TMEM132D: variants seen among roughly 807,000 people sequenced by gnomAD.
The protein encoded by TMEM132D is transmembrane protein 132D.
Under a neutral mutation model 62.3 loss-of-function variants are expected in TMEM132D, and 21 were observed. The ratio of observed to expected loss-of-function variants is 0.34; its 90% confidence interval spans 0.24 to 0.49. The LOEUF is 0.49. TMEM132D is among the 20% of genes least tolerant of loss of function. TMEM132D has a pLI of 0.99. For missense variants in TMEM132D, 1,346 were observed against 1,402.8 expected, an observed-to-expected ratio of 0.96 and a Z score of 0.65; for synonymous variants, 621 against 575.6, an observed-to-expected ratio of 1.08 and a Z score of -1.13.
At chr12:129,185,440 G>C (rs5020500) in intron 5 of TMEM132D, among the ~76,000 whole-genome samples, 77,166 of 151,986 alleles carry the variant, frequency 0.51, 19,752 homozygotes, top group East Asian at 0.63. Context: ...ATGTGTCCAC[G>C]CATAAAGTGA....
intron 2 of TMEM132D, among the ~76,000 whole-genome samples, chr12:129,558,831 T>C (rs559961945): frequency 1.8e-4 from 28 of 152,294 alleles, no homozygotes; most frequent in African/African-American, 6.7e-4. Flanking sequence ...TACATTTCAA[T>C]GTTATAAATG....
chr12:129,710,753 G>A (rs930417562), intron 1 of TMEM132D, among the ~76,000 whole-genome samples: 18 of 152,166 alleles, frequency 1.2e-4, no homozygotes, highest in African/African-American at 4.1e-4. Flanking sequence ...GCGAACACTT[G>A]AAAGCCCGCA....
At chr12:129,802,100 T>A (rs944055529) in intron 1 of TMEM132D, among the ~76,000 whole-genome samples, 1 of 150,748 alleles carries the variant, frequency 6.6e-6, no homozygotes, top group Non-Finnish European at 1.5e-5. Flanking sequence ...TGGAACCAAG[T>A]TGGAAAACAC....
intron 5 of TMEM132D, among the ~76,000 whole-genome samples, chr12:129,164,485 C>T (rs929801928): frequency 1.3e-5 from 2 of 152,186 alleles, no homozygotes; most frequent in African/African-American, 2.4e-5. Context: ...TAAACATATA[C>T]CCAGCTGTAT....
At chr12:129,522,119 T>C (rs11060390) in intron 3 of TMEM132D, among the ~76,000 whole-genome samples, 6 of 152,118 alleles carry the variant, frequency 3.9e-5, no homozygotes, top group African/African-American at 1.2e-4. Context: ...TGATGTCAGT[T>C]AGTCACCAGG....
intron 4 of TMEM132D, among the ~76,000 whole-genome samples, chr12:129,247,582 A>G (rs1880155273): frequency 6.6e-6 from 1 of 152,242 alleles, no homozygotes; most frequent in African/African-American, 2.4e-5. Flanking sequence ...ACAGGAGACA[A>G]GACGTTGCTA....
intron 5 of TMEM132D, among the ~76,000 whole-genome samples, chr12:129,129,135 C>G (rs1876298544): frequency 6.6e-6 from 1 of 151,948 alleles, no homozygotes; most frequent in African/African-American, 2.4e-5. Context: ...ACCTTTGCCT[C>G]CCTTCCTCCT....
At chr12:129,847,437 C>G (rs769891173) in intron 1 of TMEM132D, among the ~76,000 whole-genome samples, 1 of 152,162 alleles carries the variant, frequency 6.6e-6, no homozygotes, top group Non-Finnish European at 1.5e-5. Context: ...AGGTTTTTAC[C>G]CTCAGTCTTG....
At chr12:129,429,494 G>T (rs1181146459) in intron 3 of TMEM132D, among the ~76,000 whole-genome samples, 1 of 151,986 alleles carries the variant, frequency 6.6e-6, no homozygotes, top group Non-Finnish European at 1.5e-5. Context: ...CTTCCACAAG[G>T]AAACAGGAAA....
At chr12:129,488,757 A>G (rs1342740745) in intron 3 of TMEM132D, among the ~76,000 whole-genome samples, 1 of 152,074 alleles carries the variant, frequency 6.6e-6, no homozygotes, top group Admixed American at 6.5e-5. Context: ...ATGCGGCCAG[A>G]CAGGTGGGCA....
chr12:129,359,111 C>T (rs537496310), intron 3 of TMEM132D, among the ~76,000 whole-genome samples: 5 of 152,130 alleles, frequency 3.3e-5, no homozygotes, highest in South Asian at 4.2e-4. Context: ...AAAGAAGTTC[C>T]GAGTCATAGT....
chr12:129,821,191 TTC>T (rs1208239614), intron 1 of TMEM132D, among the ~76,000 whole-genome samples: 1 of 152,180 alleles, frequency 6.6e-6, no homozygotes, highest in East Asian at 1.9e-4. Context: ...TTAAGACAGA[TTC>T]TCTCACCGCA....
At chr12:129,789,814 T>C (rs12314724) in intron 1 of TMEM132D, among the ~76,000 whole-genome samples, 15,486 of 152,214 alleles carry the variant, frequency 0.1, 877 homozygotes, top group East Asian at 0.23. Flanking sequence ...AGCCACACAA[T>C]CTTTTATCCA....
At chr12:129,152,888 C>A (rs1168135451) in intron 5 of TMEM132D, among the ~76,000 whole-genome samples, 2 of 152,114 alleles carry the variant, frequency 1.3e-5, no homozygotes, top group East Asian at 3.9e-4. Context: ...AGGGGAGATG[C>A]CAGGGTATCT....
chr12:129,813,342 A>G lies in TMEM132D; in HGVS notation c.79+89919T>C, dbSNP rs938300540. 6.6e-5 allele frequency among the ~76,000 whole-genome samples: 10 copies of G among 151,700 alleles called. 1 individual carries two copies. Among genetic ancestry groups the G allele is most frequent in the African/African-American group, 2.2e-4 (9 of 41,322 alleles). ...ACTTGAAACAAACATAAATAAGACCATCCAATTTCCCTGCTTAACACCCTT... is the reference window on the plus strand; with the variant it reads ...ACTTGAAACAAACATAAATAAGACCGTCCAATTTCCCTGCTTAACACCCTT... On this transcript the variant is annotated intron_variant, in intron 1 of 8. Transcript: ENST00000422113.
intron 4 of TMEM132D, among the ~76,000 whole-genome samples, chr12:129,265,671 C>A (rs1047270393): frequency 2.6e-5 from 4 of 152,062 alleles, no homozygotes; most frequent in Non-Finnish European, 5.9e-5. Context: ...CTGCTTGGGG[C>A]TCCTCAACAC....
At chr12:129,476,555 G>C (rs73429749) in intron 3 of TMEM132D, among the ~76,000 whole-genome samples, 1 of 152,248 alleles carries the variant, frequency 6.6e-6, no homozygotes, top group African/African-American at 2.4e-5. Context: ...AACACTCCTT[G>C]GGTCCAGGGG....
intron 3 of TMEM132D, among the ~76,000 whole-genome samples, chr12:129,495,323 C>A (rs1236750575): frequency 6.6e-6 from 1 of 152,200 alleles, no homozygotes; most frequent in Admixed American, 6.5e-5. Context: ...CCTCACTCTG[C>A]ACACACCTGG....
intron 3 of TMEM132D, among the ~76,000 whole-genome samples, chr12:129,413,418 T>G (rs1010282600): frequency 2.0e-5 from 3 of 152,230 alleles, no homozygotes; most frequent in Admixed American, 1.3e-4. Flanking sequence ...AGTGAATCCA[T>G]TAAATCTATT....
Sources: gnomAD v4.1 joint callset for allele counts (sites outside exome capture counted in the v4.1 genomes callset) on GRCh38, gnomAD v4.1.1 for gene constraint, MANE v1.5 for transcripts, NCBI Gene and HGNC (gene_info 2026-07-23, HGNC 2026-07-21) for gene names.